Variants in CEP152 observed in about 807,000 individuals in gnomAD.
CEP152 encodes centrosomal protein 152.
Under a neutral mutation model 188.9 loss-of-function variants are expected in CEP152, and 132 were observed. The ratio of observed to expected loss-of-function variants is 0.70; its 90% CI spans 0.61 to 0.81. The LOEUF is 0.81. CEP152 is among the 30% of genes least tolerant of loss of function. The pLI is 0.00. For missense variants in CEP152, 1,914 were observed against 1,969.8 expected, an observed-to-expected ratio of 0.97 and a Z score of 0.54; for synonymous variants, 649 against 666.6, an observed-to-expected ratio of 0.97 and a Z score of 0.41.
At position 48,794,252 on chromosome 15, in the gene CEP152, A is replaced by T. The variant is rs183432510; in HGVS notation, c.692-791T>A. Among the ~76,000 whole-genome samples, 991 of 152,120 alleles carry T rather than the reference A, an allele frequency of 6.5e-3. 3 individuals are homozygous for T. Among genetic ancestry groups the T allele is most frequent in the Non-Finnish European group, 0.011 (728 of 68,010 alleles). On this transcript the variant is annotated intron_variant, in intron 6 of 26. Transcript: ENST00000380950. Reference sequence around the variant, plus strand: ...CAATTAGTCATTTGGGGACCACTTTAAAAAGAGAAAAAAAATGGAAAAAAG... The same window carrying T: ...CAATTAGTCATTTGGGGACCACTTTTAAAAGAGAAAAAAAATGGAAAAAAG...
intron 7 of CEP152, among the ~76,000 whole-genome samples, chr15:48,792,477 C>T (rs7167671): frequency 0.86 from 130,281 of 152,252 alleles, 56,064 homozygotes; most frequent in East Asian, 1. Context: ...GAAAGTTCAA[C>T]GTGGACCAAA....
chr15:48,766,162 A>G (rs1208248011), intron 17 of CEP152, among the ~76,000 whole-genome samples: 2 of 152,210 alleles, frequency 1.3e-5, no homozygotes, highest in Non-Finnish European at 2.9e-5. Context: ...ATATTAATCT[A>G]TTCAACAATA....
downstream of CEP152, among the ~76,000 whole-genome samples, chr15:48,735,399 T>C (rs547245298): frequency 6.6e-6 from 1 of 152,208 alleles, no homozygotes; most frequent in African/African-American, 2.4e-5. Context: ...TCTATATCAA[T>C]AGAGAACAGT....
chr15:48,741,579 T>G (rs759691998), intron 26 of CEP152, 22 bp downstream of exon 26: 2 of 1,614,058 alleles, frequency 1.2e-6, no homozygotes, highest in Admixed American at 3.3e-5. Flanking sequence ...GAAAAACCAT[T>G]TGGCGACTCA....
At position 48,755,544 on chromosome 15, in the gene CEP152, A is replaced by G. The variant is rs1397848687; in HGVS notation, c.3345+359T>C. ...TTTAAGTTCTGGGATACATGTGCTG[A>G]ACGTGAAGGTTTACTACATAGGTAT... On this transcript the variant is annotated intron_variant, in intron 20 of 26. Transcript: ENST00000380950. 2.6e-5 allele frequency among the ~76,000 whole-genome samples: 4 copies of G among 152,172 alleles called. No homozygotes were observed. In the South Asian group the frequency reaches 8.3e-4, roughly 32 times the overall value.
At chr15:48,734,096 A>C (rs1250357187), downstream of CEP152, among the ~76,000 whole-genome samples, 1 of 152,100 alleles carries the variant, frequency 6.6e-6, no homozygotes, top group Non-Finnish European at 1.5e-5. Flanking sequence ...TTACTACGTC[A>C]GTAAATATAA....
Position 48,797,722 on chromosome 15 carries a change from T to C in CEP152, c.200A>G (p.His67Arg). ...SEDGTDGQPH[H>R]PEQLEMSWNE... Reference sequence around the variant, plus strand: ...CCAGCTCATCTCCAATTGCTCAGGATGATGTGGTCTCGAGAAAAAGGAATA... The same window carrying C: ...CCAGCTCATCTCCAATTGCTCAGGACGATGTGGTCTCGAGAAAAAGGAATA... Residue 67 changes from histidine (H) to arginine (R), a missense_variant, in exon 4 of 27, where the codon CAT becomes CGT. Physicochemically the swap from His to Arg is conservative, Grantham distance 29. Coordinates refer to ENST00000380950, the MANE Select transcript of CEP152 (RefSeq NM_001194998.2). 6.2e-7 allele frequency: 1 copy of C among 1,614,140 alleles called. No individual in the cohort carries two copies. The highest frequency in any genetic ancestry group is 8.5e-7 in the Non-Finnish European group (1 of 1,179,992).
rs778983363 is a variant in CEP152, at chr15:48,742,099, A to G, written c.3837T>C (p.Cys1279=). The change falls in exon 25 of 27, where the codon TGT becomes TGC. Residue 1279 remains cysteine (C), a splice_region_variant and synonymous_variant. Transcript: ENST00000380950. ...QYIKAVKKIK[C]DMLRYIQESK... is the part of the protein sequence containing the mutation. ...TCTCCTGAATATAACGAAGCATGTCACCTATAGGGAAGTGAGAAAATGCCC... is the reference window on the plus strand; with the variant it reads ...TCTCCTGAATATAACGAAGCATGTCGCCTATAGGGAAGTGAGAAAATGCCC... The G allele has an allele frequency of 6.2e-7, 1 of 1,613,948 alleles. No individual in the cohort carries two copies. Among genetic ancestry groups the G allele is most frequent in the Non-Finnish European group, 8.5e-7 (1 of 1,179,904 alleles).
intron 14 of CEP152, among the ~76,000 whole-genome samples, 199 bp from the exon 15 acceptor site, chr15:48,768,527 G>A (rs1004801476): frequency 6.6e-6 from 1 of 152,108 alleles, no homozygotes; most frequent in Non-Finnish European, 1.5e-5. Flanking sequence ...TTGACAAGTA[G>A]TTTTCTGACA....
At chr15:48,750,352 T>C (rs1034092064) in intron 21 of CEP152, among the ~76,000 whole-genome samples, 1 of 152,134 alleles carries the variant, frequency 6.6e-6, no homozygotes, top group African/African-American at 2.4e-5. Context: ...AAGTAGACTA[T>C]TAACATAAGT....
chr15:48,798,054 G>C lies in CEP152; in HGVS notation c.88-3C>G, dbSNP rs373021671. ...AGGTCTGTGAGTAACTGCTGCAACT[G>C]AGTCAAAAGGTCTGCATCAATATCA... On this transcript the variant is annotated splice_polypyrimidine_tract_variant and splice_region_variant and intron_variant, in intron 2 of 26. Transcript: ENST00000380950. 8.7e-6 allele frequency: 14 copies of C among 1,611,460 alleles called. No individual in the cohort carries two copies. Among genetic ancestry groups the C allele is most frequent in the Non-Finnish European group, 1.2e-5 (14 of 1,177,876 alleles).
intron 21 of CEP152, among the ~76,000 whole-genome samples, chr15:48,749,540 C>T (rs1392505391): frequency 2.6e-5 from 4 of 151,796 alleles, no homozygotes; most frequent in Non-Finnish European, 4.4e-5. Flanking sequence ...GAAAAGTAAC[C>T]TCACCAATAA....
At chr15:48,736,331 G>A, downstream of CEP152, among the ~76,000 whole-genome samples, 1 of 152,064 alleles carries the variant, frequency 6.6e-6, no homozygotes, top group Non-Finnish European at 1.5e-5. Context: ...AAGACAGAGA[G>A]CATGGGAAAA....
intron 6 of CEP152, among the ~76,000 whole-genome samples, 165 bp from the exon 7 acceptor site, chr15:48,793,626 G>A (rs765939562): frequency 8.5e-5 from 13 of 152,182 alleles, no homozygotes; most frequent in Admixed American, 5.2e-4. Context: ...ATATATCAGA[G>A]TGCATCATGT....
intron 13 of CEP152, among the ~76,000 whole-genome samples, chr15:48,770,981 A>C (rs1895487142): frequency 6.6e-6 from 1 of 152,208 alleles, no homozygotes; most frequent in Non-Finnish European, 1.5e-5. Flanking sequence ...AAACAGTACT[A>C]AAGAAGGAAG....
At chr15:48,765,699 G>A (rs942383766) in intron 17 of CEP152, 2 of 365,862 alleles carry the variant, frequency 5.5e-6, no homozygotes, top group Admixed American at 4.0e-5. Flanking sequence ...TGTCGCCCAG[G>A]CTGGAGTGCA....
intron 9 of CEP152, among the ~76,000 whole-genome samples, chr15:48,785,374 C>G (rs1258173474): frequency 6.6e-6 from 1 of 152,122 alleles, no homozygotes. Flanking sequence ...GTTTATTCAG[C>G]ACTGCAAACC....
rs746099967 is a variant in CEP152, at chr15:48,742,810, AT to A, written c.3836-711del. Among the ~76,000 whole-genome samples, 167 of 146,540 alleles carry A rather than the reference AT, an allele frequency of 1.1e-3. 1 individual carries two copies. The highest frequency in any genetic ancestry group is 3.6e-3 in the Middle Eastern group (1 of 278). On this transcript the variant is annotated intron_variant, in intron 24 of 26. Transcript: ENST00000380950. ...CTACTATTAGCTAAGGCTAACTTTT[AT>A]TTTTTTTTTTAATAAATCCAAGACT...
chr15:48,786,352 T>C (rs943681555), intron 9 of CEP152, among the ~76,000 whole-genome samples: 4 of 145,182 alleles, frequency 2.8e-5, no homozygotes, highest in Non-Finnish European at 1.5e-5. Flanking sequence ...TCACCTTTTC[T>C]GTCTCACTAA....
Sources: allele counts gnomAD v4.1 joint callset (sites outside exome capture counted in the v4.1 genomes callset), GRCh38; gene constraint gnomAD v4.1.1; transcripts MANE v1.5; gene names NCBI Gene and HGNC (gene_info 2026-07-23, HGNC 2026-07-21).